The following FAAH2 variants were observed in gnomAD, a reference collection of about 807,000 sequenced individuals.
FAAH2 encodes fatty acid amide hydrolase 2.
A neutral mutation model predicts 36.9 loss-of-function variants in FAAH2; 60 were observed. The observed-to-expected ratio is 1.63, with a 90% confidence interval of 1.32 to 2.02. The LOEUF (loss-of-function observed/expected upper bound fraction) is 2.02, where lower values mean the gene tolerates loss of function less well. Among genes scored for constraint, FAAH2 ranks in the 30% most tolerant of loss-of-function variants. FAAH2 has a pLI of 0.00. For synonymous variants in FAAH2, 214 were observed against 143.8 expected (o/e 1.49, Z -3.49); for missense variants, 689 against 397.5 (o/e 1.73, Z -6.23).
At chrX:57,294,627 A>G (rs748110884) in intron 2 of FAAH2, among the ~76,000 whole-genome samples, 1 of 111,611 alleles carries the variant, frequency 9.0e-6, no homozygotes, top group East Asian at 2.8e-4. Context: ...GAACTACTCT[A>G]TTTCTCCTGA....
the FAAH2 span, among the ~76,000 whole-genome samples, chrX:57,273,313 G>C: frequency 9.0e-6 from 1 of 111,048 alleles, no homozygotes; most frequent in South Asian, 3.8e-4. Flanking sequence ...ATAATAATGG[G>C]AGAATTTCAC....
the FAAH2 span, among the ~76,000 whole-genome samples, chrX:57,197,927 A>G: frequency 3.6e-5 from 4 of 111,925 alleles, no homozygotes; most frequent in African/African-American, 1.3e-4. Context: ...TAGTTGGTGG[A>G]TTTAGCTGTT....
chrX:57,432,050 CT>C lies in FAAH2; in HGVS notation c.1116+16del. ...ACATGATGGGAAGGTATTTTTACCT[CT>C]TTCTTTACTTACTTTTTTCTTTGTG... On this transcript the variant is annotated intron_variant, in intron 8 of 10. Transcript: ENST00000374900. 8.5e-7 allele frequency: 1 copy of C among 1,177,284 alleles called. No individual in the cohort carries two copies. The highest frequency in any genetic ancestry group is 3.0e-5 in the East Asian group (1 of 32,928).
At chrX:57,404,895 G>A (rs376390336) in intron 7 of FAAH2, among the ~76,000 whole-genome samples, 15 of 112,074 alleles carry the variant, frequency 1.3e-4, no homozygotes, top group Middle Eastern at 4.6e-3. Context: ...GGCTAATGCC[G>A]GGAGTTCAGG....
At chrX:57,149,561 T>C in the FAAH2 span, among the ~76,000 whole-genome samples, 1 of 111,932 alleles carries the variant, frequency 8.9e-6, no homozygotes, top group African/African-American at 3.2e-5. Flanking sequence ...GTTCATAGTA[T>C]TCTCTGATGG....
the FAAH2 span, among the ~76,000 whole-genome samples, chrX:57,240,173 T>C: frequency 3.9e-4 from 44 of 111,968 alleles, no homozygotes; most frequent in Non-Finnish European, 5.3e-4. Context: ...CATTTAATCT[T>C]TGAAGTCGCT....
intron 10 of FAAH2, among the ~76,000 whole-genome samples, chrX:57,478,893 T>A (rs2057323384): frequency 8.9e-6 from 1 of 111,806 alleles, no homozygotes; most frequent in Non-Finnish European, 1.9e-5. Context: ...TACTGTAGCC[T>A]TGTAGTATAG....
At chrX:57,243,390 G>A in the FAAH2 span, among the ~76,000 whole-genome samples, 2 of 112,301 alleles carry the variant, frequency 1.8e-5, no homozygotes, top group African/African-American at 6.5e-5. Context: ...CACAGCACTC[G>A]AGCTCTGCTA....
intron 5 of FAAH2, among the ~76,000 whole-genome samples, chrX:57,359,988 G>T (rs763985735): frequency 9.4e-6 from 1 of 106,195 alleles, no homozygotes; most frequent in African/African-American, 3.4e-5. Flanking sequence ...TTTTTTCTCA[G>T]CCCTTTGAAT....
At chrX:57,441,519 T>C (rs1217161332) in intron 8 of FAAH2, among the ~76,000 whole-genome samples, 1 of 110,906 alleles carries the variant, frequency 9.0e-6, no homozygotes, top group Non-Finnish European at 1.9e-5. Context: ...TTGCTAGTGG[T>C]CTATCAATTT....
intron 5 of FAAH2, among the ~76,000 whole-genome samples, chrX:57,355,917 A>G (rs2054146720): frequency 9.0e-6 from 1 of 110,947 alleles, no homozygotes; most frequent in Admixed American, 9.6e-5. Flanking sequence ...TTAGCTTTGA[A>G]CTTTTCATAT....
intron 7 of FAAH2, among the ~76,000 whole-genome samples, chrX:57,402,349 T>G (rs2055458903): frequency 2.7e-5 from 3 of 112,245 alleles, no homozygotes; most frequent in Non-Finnish European, 5.6e-5. Flanking sequence ...GCACTCAATT[T>G]GCCCAGCTTT....
rs1231254025 is a variant in FAAH2 at position 57,439,792 on chromosome X, A to G, written c.1117-7136A>G. 3.6e-5 allele frequency among the ~76,000 whole-genome samples: 4 copies of G among 111,749 alleles called. No homozygotes were observed. The Admixed American group carries it at 3.8e-4, about 11-fold the overall frequency. ...CTAATTTTTGCATAAGGTGTAAGGA[A>G]GGGATCCAGTTTTAGCTTTCTACAT... On this transcript the variant is annotated intron_variant, in intron 8 of 10. Coordinates refer to ENST00000374900, the MANE Select transcript of FAAH2 (RefSeq NM_174912.4).
the FAAH2 span, among the ~76,000 whole-genome samples, chrX:57,132,864 C>G: frequency 8.9e-6 from 1 of 112,188 alleles, no homozygotes; most frequent in African/African-American, 3.2e-5. Flanking sequence ...TCCCCATTAC[C>G]TCTCTGAAAC....
chrX:57,228,605 T>A, the FAAH2 span, among the ~76,000 whole-genome samples: 1 of 111,340 alleles, frequency 9.0e-6, no homozygotes, highest in Non-Finnish European at 1.9e-5. Flanking sequence ...AAATTCACAA[T>A]GCAAGCCTCC....
At chrX:57,153,656 G>A in the FAAH2 span, among the ~76,000 whole-genome samples, 1 of 112,335 alleles carries the variant, frequency 8.9e-6, no homozygotes, top group South Asian at 3.6e-4. Flanking sequence ...TTCTTGGCTT[G>A]TAATTGTTTT....
chrX:57,480,307 C>G (rs762584181), intron 10 of FAAH2, among the ~76,000 whole-genome samples: 1 of 111,617 alleles, frequency 9.0e-6, no homozygotes, highest in African/African-American at 3.3e-5. Context: ...AAGACACAAC[C>G]AAAAAATAGA....
Position 57,394,599 on chromosome X carries a change from G to A in FAAH2, c.996+13570G>A, listed in dbSNP as rs1250153736. ...GCACTCTCTACAGTGCTCTGCATGA[G>A]CATTGCAACCGTCATGAGCCCTAAG... On this transcript the variant is annotated intron_variant, in intron 7 of 10. Coordinates refer to ENST00000374900, the MANE Select transcript of FAAH2 (RefSeq NM_174912.4). The A allele has an allele frequency of 5.1e-6, 6 of 1,167,040 alleles. No individual in the cohort carries two copies. The South Asian group carries it at 5.4e-5, about 10-fold the overall frequency.
chrX:57,216,500 ATG>A, the FAAH2 span, among the ~76,000 whole-genome samples: 4,875 of 70,539 alleles, frequency 0.069, 623 homozygotes, highest in African/African-American at 0.3. Context: ...ATATACGTAT[ATG>A]TATATATATA....
Sources: allele counts gnomAD v4.1 joint callset (sites outside exome capture counted in the v4.1 genomes callset), GRCh38; gene constraint gnomAD v4.1.1; transcripts MANE v1.5; gene names NCBI Gene and HGNC (gene_info 2026-07-23, HGNC 2026-07-21).